Variants in PPP4R4 observed in about 807,000 individuals in gnomAD.
The protein encoded by PPP4R4 is serine/threonine-protein phosphatase 4 regulatory subunit 4.
Under a neutral mutation model 121.8 loss-of-function variants are expected in PPP4R4, and 70 were observed. The observed-to-expected ratio is 0.57, with a 90% CI of 0.47 to 0.70. The LOEUF is 0.70. Ranked by LOEUF, PPP4R4 falls within the 30% of genes least tolerant of loss-of-function variation. The probability of loss-of-function intolerance (pLI) is 0.00; values close to 1 mark genes in which losing one functional copy is unlikely to be tolerated. For missense variants in PPP4R4, 875 were observed against 1,033.6 expected (o/e 0.85, Z 2.10); for synonymous variants, 348 against 355.7 (o/e 0.98, Z 0.24).
At chr14:94,227,404 A>C in intron 3 of PPP4R4, 1 of 1,600,472 alleles carries the variant, frequency 6.2e-7, no homozygotes, top group Non-Finnish European at 8.5e-7. Flanking sequence ...TTATTGTATT[A>C]TGTTTCAGAA....
Position 94,279,605 on chromosome 14 carries a change from G to GT in PPP4R4, c.*968dup, listed in dbSNP as rs1438800126. 1.3e-5 allele frequency: 2 copies of GT among 152,430 alleles called. No homozygotes were observed. The highest frequency in any genetic ancestry group is 4.8e-5 in the African/African-American group (2 of 41,350). 9.4% of individuals were successfully genotyped at this position (152,430 alleles called of 1,614,324 possible). On this transcript the variant is annotated 3_prime_UTR_variant, in exon 25 of 25. Transcript: ENST00000304338. ...ACTATATTGATATTAGAAGATATTT[G>GT]TTTTTTAAAATATATTGATGTATGA... is the stretch of plus-strand genomic sequence containing the variant.
rs556304170 is a variant in PPP4R4 at position 94,223,936 on chromosome 14, C to T, written c.295-6651C>T. Among the ~76,000 whole-genome samples, 57 of 152,172 alleles carry T rather than the reference C, an allele frequency of 3.7e-4. No homozygotes were observed. In the East Asian group the frequency reaches 6.4e-3, roughly 17 times the overall value. On this transcript the variant is annotated intron_variant, in intron 3 of 24. Coordinates refer to ENST00000304338, the MANE Select transcript of PPP4R4 (RefSeq NM_058237.2). Reference sequence around the variant, plus strand: ...ATCAACTGATTGTTTTCTAACAATACGTTAGAAGTAATCAAGAACCTAAAA... The same window carrying T: ...ATCAACTGATTGTTTTCTAACAATATGTTAGAAGTAATCAAGAACCTAAAA...
intron 7 of PPP4R4, 69 bp downstream of exon 7, chr14:94,234,738 T>C (rs1189398907): frequency 1.1e-5 from 12 of 1,119,352 alleles, no homozygotes; most frequent in Middle Eastern, 2.0e-4. Flanking sequence ...TATTTGATCT[T>C]TAAAAATGAT....
chr14:94,269,811 C>T (rs1288530341), intron 23 of PPP4R4, among the ~76,000 whole-genome samples: 3 of 152,172 alleles, frequency 2.0e-5, no homozygotes, highest in East Asian at 1.9e-4. Context: ...TTCAGTTATA[C>T]TACTCAAAAC....
chr14:94,240,909 T>G, intron 9 of PPP4R4, 114 bp downstream of exon 9: 1 of 1,253,878 alleles, frequency 8.0e-7, no homozygotes, highest in South Asian at 2.5e-5. Context: ...CTTAAGTATA[T>G]AAAAATCTTA....
At chr14:94,206,273 A>G (rs558907645) in intron 2 of PPP4R4, among the ~76,000 whole-genome samples, 3 of 152,004 alleles carry the variant, frequency 2.0e-5, no homozygotes, top group Admixed American at 6.6e-5. Context: ...TGATACTCAT[A>G]TAGCCACTCC....
intron 3 of PPP4R4, chr14:94,227,512 CACA>C (rs753846761): frequency 3.8e-5 from 51 of 1,334,104 alleles, no homozygotes; most frequent in Non-Finnish European, 4.3e-5. Flanking sequence ...TTGAAGTCAG[CACA>C]ACAAGAGAAA....
At chr14:94,266,444 C>G (rs1894058168) in intron 22 of PPP4R4, among the ~76,000 whole-genome samples, 1 of 152,054 alleles carries the variant, frequency 6.6e-6, no homozygotes, top group South Asian at 2.1e-4. Context: ...ATACAAACTG[C>G]TGTATGTCAA....
chr14:94,275,326 C>T, intron 23 of PPP4R4, 48 bp from the exon 24 acceptor site: 1 of 1,594,300 alleles, frequency 6.3e-7, no homozygotes, highest in Non-Finnish European at 8.6e-7. Flanking sequence ...TGGTTACCCT[C>T]TTTGTTAGTA....
intron 8 of PPP4R4, among the ~76,000 whole-genome samples, 163 bp from the exon 9 acceptor site, chr14:94,240,510 T>C (rs898306272): frequency 6.6e-6 from 1 of 152,092 alleles, no homozygotes; most frequent in Non-Finnish European, 1.5e-5. Context: ...CTCTTACCCC[T>C]TTTTCACCAC....
At chr14:94,226,061 G>A (rs141187172) in intron 3 of PPP4R4, among the ~76,000 whole-genome samples, 1 of 152,144 alleles carries the variant, frequency 6.6e-6, no homozygotes, top group East Asian at 1.9e-4. Flanking sequence ...TCCTTTCTTT[G>A]CAAAGTTTTG....
chr14:94,210,321 A>T (rs530710621), intron 3 of PPP4R4, among the ~76,000 whole-genome samples: 1 of 151,898 alleles, frequency 6.6e-6, no homozygotes, highest in Non-Finnish European at 1.5e-5. Flanking sequence ...ATCAAAGTGT[A>T]TAAAGAATAT....
intron 2 of PPP4R4, among the ~76,000 whole-genome samples, chr14:94,208,089 A>C (rs546120908): frequency 1.3e-5 from 2 of 152,066 alleles, no homozygotes; most frequent in South Asian, 4.1e-4. Context: ...ACCGTAATAA[A>C]ATGTTACCAT....
chr14:94,275,681 T>A lies in PPP4R4; in HGVS notation c.2597+160T>A, dbSNP rs1894600876. 2.0e-5 allele frequency among the ~76,000 whole-genome samples: 3 copies of A among 152,236 alleles called. No homozygotes were observed. In the South Asian group the frequency reaches 6.2e-4, roughly 31 times the overall value. ...ATTGTCACATGTGACTCTGTTATGT[T>A]AGTTTATATAGAATAACTTATATAT... On this transcript the variant is annotated intron_variant, in intron 24 of 24. Coordinates refer to ENST00000304338, the MANE Select transcript of PPP4R4 (RefSeq NM_058237.2).
In PPP4R4 at chr14:94,174,372, C is replaced by T; in HGVS notation, c.-94C>T. 3 of 1,153,614 alleles carry T rather than the reference C, an allele frequency of 2.6e-6. No homozygotes were observed. Among genetic ancestry groups the T allele is most frequent in the Non-Finnish European group, 3.4e-6 (3 of 893,466 alleles). 71.5% of individuals were successfully genotyped at this position (1,153,614 alleles called of 1,614,324 possible). On this transcript the variant is annotated 5_prime_UTR_variant, in exon 1 of 25. Coordinates refer to ENST00000304338, the MANE Select transcript of PPP4R4 (RefSeq NM_058237.2). ...ACGCTCGGCTCCAGCGGCCAAGAGCCGGAGAAAGTCCTGCTGGTGGGCGGC... is the reference window on the plus strand; with the variant it reads ...ACGCTCGGCTCCAGCGGCCAAGAGCTGGAGAAAGTCCTGCTGGTGGGCGGC...
intron 13 of PPP4R4, 141 bp from the exon 14 acceptor site, chr14:94,246,216 T>A: frequency 1.6e-6 from 1 of 634,320 alleles, no homozygotes; most frequent in South Asian, 3.6e-5. Context: ...CAGATAATTA[T>A]CTCCTTGTGA....
intron 16 of PPP4R4, among the ~76,000 whole-genome samples, chr14:94,256,095 C>T (rs1893457190): frequency 6.6e-6 from 1 of 152,160 alleles, no homozygotes; most frequent in Non-Finnish European, 1.5e-5. Flanking sequence ...CAATGACAAC[C>T]CTCTTTGGCC....
intron 2 of PPP4R4, among the ~76,000 whole-genome samples, chr14:94,195,642 A>G (rs1255834860): frequency 6.6e-6 from 1 of 152,128 alleles, no homozygotes; most frequent in East Asian, 1.9e-4. Context: ...GCTTCTACCT[A>G]CTAGATTACA....
intron 2 of PPP4R4, among the ~76,000 whole-genome samples, chr14:94,189,435 T>A (rs1385433916): frequency 6.6e-6 from 1 of 152,230 alleles, no homozygotes; most frequent in East Asian, 1.9e-4. Context: ...ATAATTGATT[T>A]GTTTGTATTA....
Sources: gnomAD v4.1 joint callset for allele counts (sites outside exome capture counted in the v4.1 genomes callset) on GRCh38, gnomAD v4.1.1 for gene constraint, MANE v1.5 for transcripts, NCBI Gene and HGNC (gene_info 2026-07-23, HGNC 2026-07-21) for gene names.